Variants in DNAJB1 observed in about 807,000 individuals in gnomAD.
The protein encoded by DNAJB1 is dnaJ homolog subfamily B member 1.
Under a neutral mutation model 24.0 loss-of-function variants are expected in DNAJB1, and 14 were observed. That is an observed-to-expected ratio of 0.58 (90% CI 0.39 to 0.91). DNAJB1 has a LOEUF of 0.91. Ranked by LOEUF, DNAJB1 falls within the 40% of genes least tolerant of loss-of-function variation. DNAJB1 has a pLI of 0.00. For missense variants in DNAJB1, 517 were observed against 458.1 expected (o/e 1.13, Z -1.17); for synonymous variants, 262 against 174.4 (o/e 1.50, Z -3.96).
chr19:14,557,617 A>G (rs548587037), intron 1 of DNAJB1, among the ~76,000 whole-genome samples: 9 of 149,382 alleles, frequency 6.0e-5, no homozygotes, highest in Non-Finnish European at 1.3e-4. Flanking sequence ...ACGCCTGGCT[A>G]ATTTTTGTAT....
upstream of DNAJB1, among the ~76,000 whole-genome samples, chr19:14,522,962 C>T (rs2072379406): frequency 6.6e-6 from 1 of 152,090 alleles, no homozygotes; most frequent in Non-Finnish European, 1.5e-5. Flanking sequence ...GCCTGTAATC[C>T]CAGCACTTTG....
chr19:14,517,016 C>T lies in DNAJB1; in HGVS notation c.242G>A (p.Ser81Asn). 6.2e-7 allele frequency: 1 copy of T among 1,610,040 alleles called. No homozygotes were observed. Among genetic ancestry groups the T allele is most frequent in the Non-Finnish European group, 8.5e-7 (1 of 1,178,634 alleles). Residue 81 changes from serine to asparagine, a missense_variant, in exon 2 of 3, where the codon AGC (serine) becomes AAC (asparagine). Ser to Asn is a conservative substitution (Grantham distance 46). Transcript: ENST00000254322. ...AGAGGTACCATTGGCACCACCGCCGCTACCGCCACTGGGGCCACTCCCCTT... is the reference window on the plus strand; with the variant it reads ...AGAGGTACCATTGGCACCACCGCCGTTACCGCCACTGGGGCCACTCCCCTT... ...GLKGSGPSGG[S>N]GGGANGTSFS... is the part of the protein sequence containing the mutation.
Position 14,516,683 on chromosome 19 carries a change from G to C in DNAJB1, c.575C>G (p.Pro192Arg). 6.2e-7 allele frequency: 1 copy of C among 1,614,182 alleles called. No homozygotes were observed. The highest frequency in any genetic ancestry group is 8.5e-7 in the Non-Finnish European group (1 of 1,180,036). The part of the protein sequence containing the change: ...KMKISHKRLN[P>R]DGKSIRNEDK... ...TTCGTTTCGAATGCTCTTTCCGTCG[G>C]GGTTTAGCCGCTTGTGGGAGATTTT... Residue 192 changes from proline to arginine, a missense_variant, in exon 2 of 3, where the codon CCC becomes CGC. Coordinates refer to ENST00000254322, the MANE Select transcript of DNAJB1 (RefSeq NM_006145.3).
chr19:14,559,701 C>T (rs552544320), intron 1 of DNAJB1, among the ~76,000 whole-genome samples: 2 of 151,630 alleles, frequency 1.3e-5, no homozygotes, highest in Non-Finnish European at 2.9e-5. Context: ...GCAGGAGAAT[C>T]GTTTGAACCT....
chr19:14,522,771 A>G (rs550261553), upstream of DNAJB1, among the ~76,000 whole-genome samples: 1 of 151,652 alleles, frequency 6.6e-6, no homozygotes, highest in South Asian at 2.1e-4. Flanking sequence ...TAAAATCCTG[A>G]CTGATACAGG....
Position 14,518,300 on chromosome 19 carries a change from T to G in DNAJB1, c.50A>C (p.Asp17Ala). The G allele has an allele frequency of 1.2e-6, 2 of 1,608,520 alleles. No individual in the cohort carries two copies. The highest frequency in any genetic ancestry group is 1.7e-6 in the Non-Finnish European group (2 of 1,178,912). ...QTLGLARGAS[D>A]EEIKRAYRRQ... Reference sequence around the variant, plus strand: ...GCGGTAGGCCCGCTTGATCTCCTCGTCCGACGCGCCGCGGGCCAGGCCCAA... The same window carrying G: ...GCGGTAGGCCCGCTTGATCTCCTCGGCCGACGCGCCGCGGGCCAGGCCCAA... Residue 17 changes from aspartate to alanine, a missense_variant, in exon 1 of 3, where the codon GAC becomes GCC. Asp to Ala is a moderately radical substitution (Grantham distance 126). Coordinates refer to ENST00000254322, the MANE Select transcript of DNAJB1 (RefSeq NM_006145.3).
chr19:14,515,647 C>A lies in DNAJB1; in HGVS notation c.*293G>T, dbSNP rs547476740. The A allele has an allele frequency of 7.7e-6, 3 of 390,792 alleles. No individual in the cohort carries two copies. The South Asian group carries it at 8.9e-5, about 12-fold the overall frequency. 24.2% of individuals were successfully genotyped at this position (390,792 alleles called of 1,614,324 possible). A position where few individuals can be genotyped will look rare whatever the true frequency, so the allele number is the denominator to read the frequency against. ...CTGCTGGTCTGCCTCTCACCCCTGG[C>A]CAGGGACTGGAGGTGGATGTGGGCC... is the stretch of plus-strand genomic sequence containing the variant. On this transcript the variant is annotated 3_prime_UTR_variant, in exon 3 of 3. Coordinates refer to ENST00000254322, the MANE Select transcript of DNAJB1 (RefSeq NM_006145.3).
At chr19:14,551,946 CCTCTCTCTCTCT>C (rs71166756), upstream of DNAJB1, among the ~76,000 whole-genome samples, 5 of 71,240 alleles carry the variant, frequency 7.0e-5, no homozygotes, top group Non-Finnish European at 9.9e-5. Flanking sequence ...TCCCTCCCTC[CCTCTCTCTCTCT>C]CTCTCTCTCT....
chr19:14,543,746 A>G (rs564811613), intron 1 of DNAJB1, among the ~76,000 whole-genome samples: 49 of 134,440 alleles, frequency 3.6e-4, no homozygotes, highest in African/African-American at 1.3e-3. Context: ...CTATATATAT[A>G]TTTTTAAATT....
intron 1 of DNAJB1, among the ~76,000 whole-genome samples, chr19:14,558,284 G>A (rs1041567359): frequency 2.6e-5 from 4 of 152,132 alleles, no homozygotes; most frequent in African/African-American, 9.7e-5. Context: ...GACAACGAGA[G>A]CCCCCCTTTT....
At position 14,515,827 on chromosome 19, in the gene DNAJB1, C is replaced by T. The variant is rs2072247553; in HGVS notation, c.*113G>A. Reference sequence around the variant, plus strand: ...ATGCTCTGGAAAACATTCAGCAGTACGAAAGCCCTCCCTGGGCCCTCCCAC... The same window carrying T: ...ATGCTCTGGAAAACATTCAGCAGTATGAAAGCCCTCCCTGGGCCCTCCCAC... On this transcript the variant is annotated 3_prime_UTR_variant, in exon 3 of 3. Coordinates refer to ENST00000254322, the MANE Select transcript of DNAJB1 (RefSeq NM_006145.3). 10 of 980,096 alleles carry T rather than the reference C, an allele frequency of 1.0e-5. No homozygotes were observed. The highest frequency in any genetic ancestry group is 6.0e-5 in the South Asian group (4 of 66,718). 60.7% of individuals were successfully genotyped at this position (980,096 alleles called of 1,614,324 possible). A position where few individuals can be genotyped will look rare whatever the true frequency, so the allele number is the denominator to read the frequency against.
chr19:14,526,236 G>A (rs1206588025), intron 2 of DNAJB1, among the ~76,000 whole-genome samples: 2 of 152,104 alleles, frequency 1.3e-5, no homozygotes, highest in South Asian at 2.1e-4. Context: ...GCTCAACAAC[G>A]ACCCAACAGA....
At chr19:14,530,918 C>G (rs550119095), upstream of DNAJB1, 1 of 152,204 alleles carries the variant, frequency 6.6e-6, no homozygotes, top group African/African-American at 2.4e-5. Flanking sequence ...AAGCTGTAGA[C>G]GTTAAATACT....
intron 1 of DNAJB1, chr19:14,536,589 C>G (rs1416001518): frequency 6.6e-6 from 1 of 152,048 alleles, no homozygotes; most frequent in East Asian, 1.9e-4. Context: ...CTTTTTAATC[C>G]ATAAAATGAC....
chr19:14,546,014 C>T (rs999690875), intron 1 of DNAJB1: 1 of 152,194 alleles, frequency 6.6e-6, no homozygotes, highest in Admixed American at 6.6e-5. Context: ...ACCCTGATCT[C>T]CCTTCCTGGC....
chr19:14,516,271 A>G, intron 2 of DNAJB1, 101 bp from the exon 3 acceptor site: 1 of 1,391,594 alleles, frequency 7.2e-7, no homozygotes, highest in Non-Finnish European at 9.8e-7. Flanking sequence ...AGGCCTCTGC[A>G]GCTAAGACCT....
At chr19:14,539,219 C>T (rs1359536489) in intron 1 of DNAJB1, among the ~76,000 whole-genome samples, 2 of 142,876 alleles carry the variant, frequency 1.4e-5, no homozygotes, top group Admixed American at 7.5e-5. Context: ...TGGTCTCGAT[C>T]TCCTGACTTC....
In DNAJB1 at chr19:14,515,667, T is replaced by C. The variant is rs2072244175; in HGVS notation, c.*273A>G. 2 of 421,202 alleles carry C rather than the reference T, an allele frequency of 4.7e-6. No homozygotes were observed. The highest frequency in any genetic ancestry group is 9.0e-5 in the Admixed American group (2 of 22,108). The allele number at this position is 421,202 out of a possible 1,614,324, so 26.1% of individuals were successfully genotyped here. A position where few individuals can be genotyped will look rare whatever the true frequency, so the allele number is the denominator to read the frequency against. On this transcript the variant is annotated 3_prime_UTR_variant, in exon 3 of 3. Transcript: ENST00000254322. ...CCTGGCCAGGGACTGGAGGTGGATG[T>C]GGGCCCATCCCGGGAGGGCTGCCAG... is the stretch of plus-strand genomic sequence containing the variant.
chr19:14,539,700 G>A (rs1394574554), intron 1 of DNAJB1, among the ~76,000 whole-genome samples: 3 of 152,020 alleles, frequency 2.0e-5, no homozygotes, highest in East Asian at 3.9e-4. Flanking sequence ...CCTCGGCCCT[G>A]GATGCCCTTC....
Sources: gnomAD v4.1 joint callset for allele counts (sites outside exome capture counted in the v4.1 genomes callset) on GRCh38, gnomAD v4.1.1 for gene constraint, MANE v1.5 for transcripts, NCBI Gene and HGNC (gene_info 2026-07-23, HGNC 2026-07-21) for gene names.